TMLHE: variants seen among roughly 807,000 people sequenced by gnomAD.
The protein encoded by TMLHE is trimethyllysine dioxygenase, mitochondrial.
A neutral mutation model predicts 25.7 loss-of-function variants in TMLHE; 18 were observed. The ratio of observed to expected loss-of-function variants is 0.70; its 90% CI spans 0.48 to 1.04. TMLHE has a LOEUF of 1.04. TMLHE is among the 50% of genes least tolerant of loss of function. The probability of loss-of-function intolerance (pLI) is 0.00; values close to 1 mark genes in which losing one functional copy is unlikely to be tolerated. For synonymous variants in TMLHE, 105 were observed against 97.0 expected (o/e 1.08, Z -0.49); for missense variants, 236 against 259.0 (o/e 0.91, Z 0.61).
intron 3 of TMLHE, among the ~76,000 whole-genome samples, chrX:155,516,018 T>TC (rs1396686226): frequency 1.0e-4 from 9 of 89,950 alleles, no homozygotes; most frequent in Non-Finnish European, 1.6e-4. Context: ...TTCTTCTTTT[T>TC]TTTTTTTTTT....
At chrX:155,543,446 A>G in intron 2 of TMLHE, among the ~76,000 whole-genome samples, 2 of 112,187 alleles carry the variant, frequency 1.8e-5, no homozygotes, top group South Asian at 7.4e-4. Flanking sequence ...TTGCAAAAAA[A>G]TACTTAGGAA....
rs1443160516 is a variant in TMLHE at position 155,568,177 on chromosome X, A to T, written c.-1-22900T>A. On this transcript the variant is annotated intron_variant, in intron 1 of 7. Transcript: ENST00000334398. ...CAGGCTGAAAAAACGGCGCACCAGG[A>T]GATTATATCCCCCACATGGCTCAGA... 2.3e-3 allele frequency among the ~76,000 whole-genome samples: 143 copies of T among 61,395 alleles called. 55 individuals are homozygous for T. Among genetic ancestry groups the T allele is most frequent in the Non-Finnish European group, 5.5e-3 (120 of 21,898 alleles). 53.3% of individuals were successfully genotyped at this position (61,395 alleles called of 115,157 possible).
At position 155,507,046 on chromosome X, in the gene TMLHE, G is replaced by C; in HGVS notation, c.847C>G (p.Gln283Glu). The C allele has an allele frequency of 8.3e-7, 1 of 1,209,746 alleles. No homozygotes were observed. Residue 283 changes from glutamine (Q) to glutamate (E), a missense_variant, in exon 6 of 8, where the codon CAA becomes GAA. Gln to Glu is a conservative substitution (Grantham distance 29). Transcript: ENST00000334398. ...AGTTCAAATTCCTCAGGTGCCTTTT[G>C]AAGTACCTGTTCTGCTGCATAGAAT... Reference protein sequence around the residue: ...DGFYAAEQVLQKAPEEFELLS... With the variant: ...DGFYAAEQVLEKAPEEFELLS...
intron 4 of TMLHE, among the ~76,000 whole-genome samples, chrX:155,513,125 A>C: frequency 9.0e-6 from 1 of 111,459 alleles, no homozygotes; most frequent in Admixed American, 9.6e-5. Context: ...ATGCTCTACC[A>C]GCACAGGGAA....
At chrX:155,589,628 G>A (rs1380845969) in intron 1 of TMLHE, among the ~76,000 whole-genome samples, 2 of 111,794 alleles carry the variant, frequency 1.8e-5, no homozygotes, top group Admixed American at 9.5e-5. Flanking sequence ...TAGAGGTCGA[G>A]AAGGATGTGT....
chrX:155,529,297 C>T (rs782546598), intron 2 of TMLHE, among the ~76,000 whole-genome samples: 2 of 111,539 alleles, frequency 1.8e-5, no homozygotes, highest in East Asian at 5.6e-4. Context: ...AAATTTTCTC[C>T]CCCAAAAGTA....
chrX:155,604,305 C>T (rs1174594441), intron 1 of TMLHE, among the ~76,000 whole-genome samples: 1 of 110,985 alleles, frequency 9.0e-6, no homozygotes, highest in African/African-American at 3.3e-5. Flanking sequence ...GAGTGCTGTA[C>T]TCATACCTCC....
chrX:155,511,893 A>T, intron 4 of TMLHE, 101 bp from the exon 5 acceptor site: 3 of 918,199 alleles, frequency 3.3e-6, no homozygotes, highest in South Asian at 3.4e-5. Flanking sequence ...CACAAATAAC[A>T]GTAGATTTTT....
chrX:155,504,804 G>T (rs2067067296), intron 6 of TMLHE, among the ~76,000 whole-genome samples: 1 of 111,270 alleles, frequency 9.0e-6, no homozygotes, highest in Admixed American at 9.6e-5. Flanking sequence ...ATTCATAAAA[G>T]AAGAGATAAA....
At chrX:155,560,591 A>T (rs2067490052) in intron 1 of TMLHE, among the ~76,000 whole-genome samples, 1 of 42,733 alleles carries the variant, frequency 2.3e-5, no homozygotes, top group Non-Finnish European at 8.5e-5. Context: ...GTTAGTCATA[A>T]GGATATCTGG....
At chrX:155,528,978 TG>T (rs2067234925) in intron 2 of TMLHE, among the ~76,000 whole-genome samples, 1 of 111,972 alleles carries the variant, frequency 8.9e-6, no homozygotes, top group Non-Finnish European at 1.9e-5. Flanking sequence ...AGTGGGGAAG[TG>T]GAAGAATCGC....
At chrX:155,592,512 C>T (rs1394789259) in intron 1 of TMLHE, among the ~76,000 whole-genome samples, 2 of 111,817 alleles carry the variant, frequency 1.8e-5, no homozygotes, top group African/African-American at 3.3e-5. Context: ...ATCTCCTACT[C>T]CCCTAAGTTG....
At position 155,507,297 on chromosome X, in the gene TMLHE, CT is replaced by C. The variant is rs781901746; in HGVS notation, c.759-164del. Reference sequence around the variant, plus strand: ...TGTTTTTCTCTCATAGGCAGTTGTACTTTTTTGTGTTTTGAAATATTAATGC... The same window carrying C: ...TGTTTTTCTCTCATAGGCAGTTGTACTTTTTGTGTTTTGAAATATTAATGC... On this transcript the variant is annotated intron_variant, in intron 5 of 7. Transcript: ENST00000334398. Among the ~76,000 whole-genome samples, 31 of 109,933 alleles carry C rather than the reference CT, an allele frequency of 2.8e-4. No individual in the cohort carries two copies. The East Asian group carries it at 8.3e-3, about 29-fold the overall frequency.
Position 155,524,302 on chromosome X carries a change from G to A in TMLHE, c.358+154C>T, listed in dbSNP as rs868946731. On this transcript the variant is annotated intron_variant, in intron 3 of 7. Coordinates refer to ENST00000334398, the MANE Select transcript of TMLHE (RefSeq NM_018196.4). The stretch of plus-strand genomic sequence containing the variant: ...GTGGATTGTAACAATTTTATTTGAA[G>A]AGAAAAATAAAATGTTTCAAAAAAT... The A allele has an allele frequency of 3.9e-5, 18 of 460,943 alleles. 1 individual carries two copies. Among genetic ancestry groups the A allele is most frequent in the Middle Eastern group, 1.4e-3 (2 of 1,469 alleles). 38.0% of individuals were successfully genotyped at this position (460,943 alleles called of 1,213,427 possible).
chrX:155,545,250 T>C lies in TMLHE; in HGVS notation c.27A>G (p.Leu9=), dbSNP rs781944599. The C allele has an allele frequency of 8.3e-7, 1 of 1,198,717 alleles. No homozygotes were observed. Among genetic ancestry groups the C allele is most frequent in the Non-Finnish European group, 1.1e-6 (1 of 890,775 alleles). The part of the protein sequence containing the change: MWYHRLSH[L]HSRLQDLLKG... The stretch of plus-strand genomic sequence containing the variant: ...TCAGCAAGTCCTGAAGCCTGCTGTG[T>C]AGGTGGGACAATCTGTGGTACCACA... The change falls in exon 2 of 8, where the codon CTA becomes CTG. Residue 9 remains leucine, a synonymous_variant. Coordinates refer to ENST00000334398, the MANE Select transcript of TMLHE (RefSeq NM_018196.4).
chrX:155,513,605 GGTGT>G (rs781866085), intron 4 of TMLHE, among the ~76,000 whole-genome samples: 136 of 106,459 alleles, frequency 1.3e-3, no homozygotes, highest in Non-Finnish European at 2.1e-3. Flanking sequence ...GGGTCGAGGG[GGTGT>G]GTGTGTGTGT....
At chrX:155,547,628 C>T (rs1239071169) in intron 1 of TMLHE, among the ~76,000 whole-genome samples, 1 of 109,563 alleles carries the variant, frequency 9.1e-6, no homozygotes, top group African/African-American at 3.3e-5. Flanking sequence ...GTTAACCATG[C>T]CTGAGGAAAG....
chrX:155,587,062 A>G lies in TMLHE; in HGVS notation c.-2+25730T>C, dbSNP rs372935988. 1.3e-3 allele frequency among the ~76,000 whole-genome samples: 149 copies of G among 112,310 alleles called. 3 individuals carry two copies. The South Asian group carries it at 0.038, about 29-fold the overall frequency. On this transcript the variant is annotated intron_variant, in intron 1 of 7. Transcript: ENST00000334398. The stretch of plus-strand genomic sequence containing the variant: ...CCAAAATCTGGCAAAGACACAACAG[A>G]AAAAGAAAAGTAAAGGCTGATATTC...
intron 2 of TMLHE, among the ~76,000 whole-genome samples, chrX:155,537,417 C>T (rs2124396287): frequency 9.0e-6 from 1 of 111,080 alleles, no homozygotes; most frequent in African/African-American, 3.3e-5. Context: ...TTATCCTTTC[C>T]CTGTCATCCT....
Sources: gnomAD v4.1 joint callset for allele counts (sites outside exome capture counted in the v4.1 genomes callset) on GRCh38, gnomAD v4.1.1 for gene constraint, MANE v1.5 for transcripts, NCBI Gene and HGNC (gene_info 2026-07-23, HGNC 2026-07-21) for gene names.